The following SDS variants were observed in gnomAD, a reference collection of about 807,000 sequenced individuals.
SDS encodes L-serine dehydratase/L-threonine deaminase.
A neutral mutation model predicts 29.3 loss-of-function variants in SDS; 19 were observed. That is an observed-to-expected ratio of 0.65 (90% CI 0.45 to 0.95). SDS has a LOEUF of 0.95. Ranked by LOEUF, SDS falls within the 40% of genes least tolerant of loss-of-function variation. The pLI is 0.00. For synonymous variants in SDS, 176 were observed against 189.0 expected (o/e 0.93, Z 0.56); for missense variants, 375 against 439.9 (o/e 0.85, Z 1.32).
chr12:113,403,539 T>G (rs1257875448), intron 1 of SDS, among the ~76,000 whole-genome samples: 1 of 151,784 alleles, frequency 6.6e-6, no homozygotes, highest in African/African-American at 2.4e-5. Context: ...AAAAAAAATT[T>G]TTTTTGTAGA....
At position 113,398,666 on chromosome 12, in the gene SDS, C is replaced by T. The variant is rs150483545; in HGVS notation, c.333+41G>A. ...GCACAGGGGGCACCCTGTCCAGCCA[C>T]CAGGCGCCCTCTCTCTTCCTTGCCC... On this transcript the variant is annotated intron_variant, in intron 4 of 7. Transcript: ENST00000257549. 5.4e-5 allele frequency: 87 copies of T among 1,608,010 alleles called. 1 individual carries two copies. In the East Asian group the frequency reaches 8.7e-4, roughly 16 times the overall value.
intron 6 of SDS, among the ~76,000 whole-genome samples, chr12:113,394,383 A>G (rs1406320987): frequency 7.0e-6 from 1 of 142,512 alleles, no homozygotes; most frequent in Non-Finnish European, 1.5e-5. Context: ...TCTGTTGCCC[A>G]GGCTGGAGTG....
chr12:113,394,320 G>A (rs1471113480), intron 6 of SDS, among the ~76,000 whole-genome samples: 1 of 147,578 alleles, frequency 6.8e-6, no homozygotes, highest in Non-Finnish European at 1.5e-5. Flanking sequence ...TTTTTGTTTT[G>A]TTTGTTTTTT....
chr12:113,400,905 GC>G (rs1245514365), intron 1 of SDS, among the ~76,000 whole-genome samples: 1 of 152,098 alleles, frequency 6.6e-6, no homozygotes, highest in Non-Finnish European at 1.5e-5. Context: ...TGTAATCCCA[GC>G]ACTTTGGGAG....
rs1293766908 is a variant in SDS at position 113,397,238 on chromosome 12, C to T, written c.580G>A (p.Glu194Lys). Reference protein sequence around the residue: ...GWGDVPVIAMETFGAHSFHAA... With the variant: ...GWGDVPVIAMKTFGAHSFHAA... ...TGGAAGCTGTGGGCACCAAAAGTCT[C>T]CATGGCGATGACAGGCACGTCCCCC... The change falls in exon 6 of 8, where the codon GAG becomes AAG. Residue 194 changes from glutamate (E) to lysine (K), a missense_variant. Glu to Lys is a moderately conservative substitution (Grantham distance 56). Coordinates refer to ENST00000257549, the MANE Select transcript of SDS (RefSeq NM_006843.3). 3 of 1,614,086 alleles carry T rather than the reference C, an allele frequency of 1.9e-6. No homozygotes were observed. The highest frequency in any genetic ancestry group is 1.3e-5 in the African/African-American group (1 of 74,934).
intron 1 of SDS, among the ~76,000 whole-genome samples, chr12:113,402,774 G>T (rs865988881): frequency 6.6e-6 from 1 of 152,180 alleles, no homozygotes; most frequent in South Asian, 2.1e-4. Flanking sequence ...CCTCTGCCGC[G>T]GCTTTCCGTG....
chr12:113,399,492 C>T (rs925582317), intron 2 of SDS, 64 bp downstream of exon 2: 8 of 1,458,820 alleles, frequency 5.5e-6, no homozygotes, highest in Non-Finnish European at 7.2e-6. Context: ...CAGCACTGGC[C>T]CTGCCCTGTT....
chr12:113,398,020 T>C (rs1957658745), intron 5 of SDS, among the ~76,000 whole-genome samples: 1 of 151,784 alleles, frequency 6.6e-6, no homozygotes, highest in African/African-American at 2.4e-5. Flanking sequence ...TGGTGACATG[T>C]GTGCACTTGC....
intron 5 of SDS, 83 bp from the exon 6 acceptor site, chr12:113,397,475 G>T: frequency 1.8e-6 from 2 of 1,141,136 alleles, no homozygotes; most frequent in Non-Finnish European, 2.5e-6. Context: ...CCTTATCCCA[G>T]CTGATGGGGC....
chr12:113,393,049 G>A lies in SDS; in HGVS notation c.879C>T (p.Thr293=), dbSNP rs760772153. ...CGATGACCACGAGGGATGGCAGCGG[G>A]GTTCGGAGATTCCCCTCCAGTTGGA... ...QKLQLEGNLR[T]PLPSLVVIVC... Residue 293 remains threonine (T), a synonymous_variant, in exon 8 of 8, where the codon ACC becomes ACT. Transcript: ENST00000257549. The A allele has an allele frequency of 6.2e-7, 1 of 1,614,222 alleles. No homozygotes were observed. Among genetic ancestry groups the A allele is most frequent in the Non-Finnish European group, 8.5e-7 (1 of 1,180,034 alleles).
intron 1 of SDS, among the ~76,000 whole-genome samples, chr12:113,401,100 C>G (rs1047511227): frequency 6.6e-6 from 1 of 151,974 alleles, no homozygotes; most frequent in South Asian, 2.1e-4. Flanking sequence ...GTCTACAGAT[C>G]GAGACTCTGT....
rs1004867551 is a variant in SDS, at chr12:113,393,088, G to T, written c.840C>A (p.His280Gln). 13 of 1,614,104 alleles carry T rather than the reference G, an allele frequency of 8.1e-6. No homozygotes were observed. Among genetic ancestry groups the T allele is most frequent in the Non-Finnish European group, 1.1e-5 (13 of 1,180,044 alleles). ...CGAALAAVYSHVIQKLQLEGN... is the reference protein window; with the variant it reads ...CGAALAAVYSQVIQKLQLEGN... Reference sequence around the variant, plus strand: ...CCTCCAGTTGGAGCTTCTGGATCACGTGGCTATAGACAGCGGCCAGGGCTG... The same window carrying T: ...CCTCCAGTTGGAGCTTCTGGATCACTTGGCTATAGACAGCGGCCAGGGCTG... Residue 280 changes from histidine (H) to glutamine (Q), a missense_variant, in exon 8 of 8, where the codon CAC (histidine) becomes CAA (glutamine). Physicochemically the swap from His to Gln is conservative, Grantham distance 24. Transcript: ENST00000257549.
chr12:113,399,824 G>A, intron 1 of SDS, 114 bp from the exon 2 acceptor site: 1 of 1,032,980 alleles, frequency 9.7e-7, no homozygotes, highest in South Asian at 1.9e-5. Context: ...TCAGACGAGA[G>A]AGCATCCTGG....
intron 6 of SDS, among the ~76,000 whole-genome samples, chr12:113,396,435 CTT>C (rs951466735): frequency 9.5e-5 from 14 of 147,288 alleles, no homozygotes; most frequent in Admixed American, 8.9e-4. Flanking sequence ...CTTTCTTTCT[CTT>C]TCTTTTTCTT....
chr12:113,393,850 C>T (rs1315980370), intron 7 of SDS, 42 bp downstream of exon 7: 1 of 1,612,886 alleles, frequency 6.2e-7, no homozygotes, highest in Admixed American at 1.7e-5. Context: ...CCACTTAGCG[C>T]CTGAGTCAGC....
At chr12:113,397,896 C>A (rs1017484587) in intron 5 of SDS, among the ~76,000 whole-genome samples, 1 of 152,158 alleles carries the variant, frequency 6.6e-6, no homozygotes, top group South Asian at 2.1e-4. Context: ...TTCCCTGAAA[C>A]CTTTGTCCCC....
chr12:113,397,058 G>T, intron 6 of SDS, 107 bp downstream of exon 6: 2 of 1,021,674 alleles, frequency 2.0e-6, no homozygotes, highest in Non-Finnish European at 1.5e-6. Flanking sequence ...AGCCTCCATT[G>T]TCTCATCTGT....
intron 6 of SDS, 35 bp from the exon 7 acceptor site, chr12:113,394,051 T>G (rs1957629671): frequency 4.8e-5 from 75 of 1,564,198 alleles, no homozygotes; most frequent in South Asian, 1.2e-4. Flanking sequence ...AGGATGGGAG[T>G]GGGGGAAACA....
chr12:113,395,774 T>C (rs998962729), intron 6 of SDS, among the ~76,000 whole-genome samples: 1 of 152,198 alleles, frequency 6.6e-6, no homozygotes, highest in Admixed American at 6.5e-5. Flanking sequence ...GTCACTGTTA[T>C]TTGGGCCTTC....
Sources: allele counts gnomAD v4.1 joint callset (sites outside exome capture counted in the v4.1 genomes callset), GRCh38; gene constraint gnomAD v4.1.1; transcripts MANE v1.5; gene names NCBI Gene and HGNC (gene_info 2026-07-23, HGNC 2026-07-21).